The following SMARCA1 variants were observed in gnomAD, a reference collection of about 807,000 sequenced individuals.
SMARCA1 encodes the protein SNF2 related chromatin remodeling ATPase 1, also known as SWI/SNF-related matrix-associated actin-dependent regulator of chromatin subfamily A member 1.
In SMARCA1, 17 loss-of-function variants were observed where a neutral mutation model predicts 93.6. The observed-to-expected ratio is 0.18, with a 90% CI of 0.12 to 0.27. The LOEUF (loss-of-function observed/expected upper bound fraction) is 0.27. Among genes scored for constraint, SMARCA1 ranks in the 10% least tolerant of loss-of-function variants. SMARCA1 has a pLI of 1.00. For missense variants in SMARCA1, 630 were observed against 819.0 expected (o/e 0.77, Z 2.82); for synonymous variants, 271 against 271.4 (o/e 1.00, Z 0.01).
At chrX:129,472,011 G>A (rs1933148219) in intron 19 of SMARCA1, among the ~76,000 whole-genome samples, 1 of 111,839 alleles carries the variant, frequency 8.9e-6, no homozygotes, top group Non-Finnish European at 1.9e-5. Flanking sequence ...AAACTGAGAA[G>A]AGAACTTGAG....
intron 23 of SMARCA1, among the ~76,000 whole-genome samples, chrX:129,464,891 A>T (rs2124192728): frequency 8.9e-6 from 1 of 112,020 alleles, no homozygotes; most frequent in Admixed American, 9.4e-5. Context: ...TGAATCTTAC[A>T]ATGAGTAATG....
At chrX:129,506,702 AAAAAAAAAAAAAGG>A (rs1237364063) in intron 7 of SMARCA1, among the ~76,000 whole-genome samples, 18 of 103,066 alleles carry the variant, frequency 1.7e-4, no homozygotes, top group African/African-American at 6.6e-4. Flanking sequence ...AAAAAAAAAA[AAAAAAAAAAAAAGG>A]AAGAAGAATG....
intron 9 of SMARCA1, among the ~76,000 whole-genome samples, chrX:129,502,732 A>G (rs2035824157): frequency 9.0e-6 from 1 of 111,717 alleles, no homozygotes; most frequent in South Asian, 3.8e-4. Flanking sequence ...GTGAGGGTGG[A>G]TGGGTACGTG....
intron 1 of SMARCA1, 86 bp downstream of exon 1, chrX:129,523,111 T>G: frequency 9.6e-7 from 1 of 1,038,396 alleles, no homozygotes; most frequent in Non-Finnish European, 1.3e-6. Flanking sequence ...CGGGTACCTG[T>G]CGGCGCCGAA....
intron 23 of SMARCA1, among the ~76,000 whole-genome samples, chrX:129,456,199 AGAACTG>A (rs1335553930): frequency 1.8e-5 from 2 of 111,828 alleles, no homozygotes; most frequent in African/African-American, 6.5e-5. Flanking sequence ...CCTTAGCTCT[AGAACTG>A]GAACAACAAA....
Position 129,499,805 on chromosome X carries a change from C to T in SMARCA1, c.1204G>A (p.Asp402Asn). Residue 402 changes from aspartate (D) to asparagine (N), a missense_variant, in exon 10 of 25, where the codon GAT (aspartate) becomes AAT (asparagine). Around this residue, in one of 4 missense-constraint regions of SMARCA1, gnomAD observed 382 missense variants for 537.9 expected, o/e 0.71. Coordinates refer to ENST00000371121, the MANE Select transcript of SMARCA1 (RefSeq NM_001282874.2). The part of the protein sequence containing the change: ...KPFLLRRIKT[D>N]VEKSLPPKKE... The stretch of plus-strand genomic sequence containing the variant: ...TTAGGTGGCAGACTCTTCTCTACAT[C>T]AGTTTTTATACGGCGTAACAAAAAT... 8.5e-7 allele frequency: 1 copy of T among 1,177,075 alleles called. No individual in the cohort carries two copies. The highest frequency in any genetic ancestry group is 1.2e-6 in the Non-Finnish European group (1 of 867,492).
chrX:129,470,612 T>C (rs1360665430), intron 20 of SMARCA1, among the ~76,000 whole-genome samples: 2 of 111,804 alleles, frequency 1.8e-5, no homozygotes, highest in African/African-American at 6.5e-5. Flanking sequence ...ACACCTGTAG[T>C]ATCAGTTGCA....
At chrX:129,501,277 T>C (rs1934543793) in intron 9 of SMARCA1, among the ~76,000 whole-genome samples, 2 of 106,739 alleles carry the variant, frequency 1.9e-5, no homozygotes, top group African/African-American at 7.1e-5. Flanking sequence ...AAAACAAATA[T>C]ATGATATGTG....
At chrX:129,459,667 G>A (rs1002310493) in intron 23 of SMARCA1, among the ~76,000 whole-genome samples, 64 of 111,723 alleles carry the variant, frequency 5.7e-4, no homozygotes, top group African/African-American at 2.0e-3. Flanking sequence ...CTTAGAAAAA[G>A]GTAGATTAAA....
At position 129,497,994 on chromosome X, in the gene SMARCA1, A is replaced by G; in HGVS notation, c.1355T>C (p.Ile452Thr). ...GKMDKMRLLN[I>T]LMQLRKCCNH... is the part of the protein sequence containing the mutation. ...ACAACACTTTCGAAGCTGCATCAGA[A>G]TGTTTAAGAGTCGCATCTTGTCCAT... The change falls in exon 11 of 25, where the codon ATT becomes ACT. Residue 452 changes from isoleucine to threonine, a missense_variant. This residue lies in a region of SMARCA1 where 382 missense variants were observed against 537.9 expected (regional missense o/e 0.71). Transcript: ENST00000371121. The G allele has an allele frequency of 8.3e-7, 1 of 1,208,905 alleles. No individual in the cohort carries two copies. The highest frequency in any genetic ancestry group is 1.1e-6 in the Non-Finnish European group (1 of 892,776).
At chrX:129,458,726 C>T (rs761530448) in intron 23 of SMARCA1, among the ~76,000 whole-genome samples, 1 of 112,192 alleles carries the variant, frequency 8.9e-6, no homozygotes, top group Non-Finnish European at 1.9e-5. Context: ...GTCTGAATGA[C>T]AGGTCTGCGC....
chrX:129,516,084 A>G, intron 3 of SMARCA1, 90 bp from the exon 4 acceptor site: 2 of 732,001 alleles, frequency 2.7e-6, no homozygotes, highest in Non-Finnish European at 4.1e-6. Flanking sequence ...CTTTTATAGA[A>G]AAAGAATGAG....
chrX:129,501,627 T>G, intron 9 of SMARCA1, among the ~76,000 whole-genome samples: 1 of 101,401 alleles, frequency 9.9e-6, no homozygotes, highest in African/African-American at 3.7e-5. Context: ...GGAGGTGGGG[T>G]GGAAGGGGAC....
chrX:129,493,843 C>G (rs182381293), intron 12 of SMARCA1, among the ~76,000 whole-genome samples: 7 of 111,870 alleles, frequency 6.3e-5, no homozygotes, highest in Admixed American at 4.8e-4. Context: ...CTGAGTCAGA[C>G]GATGACCAGT....
chrX:129,509,046 G>C (rs1934927923), intron 6 of SMARCA1, among the ~76,000 whole-genome samples: 1 of 110,386 alleles, frequency 9.1e-6, no homozygotes, highest in Non-Finnish European at 1.9e-5. Flanking sequence ...AATTAGCTGG[G>C]CATGGTGGCT....
At chrX:129,458,798 G>A (rs981021234) in intron 23 of SMARCA1, among the ~76,000 whole-genome samples, 2 of 112,203 alleles carry the variant, frequency 1.8e-5, no homozygotes, top group African/African-American at 3.2e-5. Flanking sequence ...ACTCCACTCC[G>A]CATTTGTGCC....
At chrX:129,493,777 T>C (rs778422677) in intron 12 of SMARCA1, among the ~76,000 whole-genome samples, 26 of 112,091 alleles carry the variant, frequency 2.3e-4, no homozygotes, top group Admixed American at 4.8e-4. Context: ...GCTTGACAAA[T>C]GTTAGTTCCT....
chrX:129,508,934 T>C (rs1483155046), intron 6 of SMARCA1, among the ~76,000 whole-genome samples: 1 of 111,808 alleles, frequency 8.9e-6, no homozygotes, highest in African/African-American at 3.2e-5. Context: ...ACGCCTGTAA[T>C]GTCAGCACTT....
intron 23 of SMARCA1, among the ~76,000 whole-genome samples, chrX:129,449,280 T>A (rs1932164582): frequency 8.9e-6 from 1 of 112,021 alleles, no homozygotes; most frequent in Admixed American, 9.5e-5. Context: ...ACAGATTTAC[T>A]TATTACATGG....
Sources: allele counts gnomAD v4.1 joint callset (sites outside exome capture counted in the v4.1 genomes callset), GRCh38; gene constraint gnomAD v4.1.1; regional missense constraint gnomAD v4.1.1; transcripts MANE v1.5; gene names NCBI Gene and HGNC (gene_info 2026-07-23, HGNC 2026-07-21).